Variants in TMEM135 observed in about 807,000 individuals in gnomAD.
The protein encoded by TMEM135 is transmembrane protein 135, also known as peroxisomal membrane protein 52.
A neutral mutation model predicts 60.3 loss-of-function variants in TMEM135; 30 were observed. The observed-to-expected ratio is 0.50, with a 90% CI of 0.37 to 0.68. TMEM135 has a LOEUF of 0.68. TMEM135 is among the 30% of genes least tolerant of loss of function. The pLI is 0.00. For synonymous variants in TMEM135, 190 were observed against 186.7 expected (o/e 1.02, Z -0.14); for missense variants, 468 against 548.8 (o/e 0.85, Z 1.47).
At chr11:87,084,083 T>A (rs1046144314) in intron 3 of TMEM135, among the ~76,000 whole-genome samples, 1 of 152,114 alleles carries the variant, frequency 6.6e-6, no homozygotes, top group Admixed American at 6.6e-5. Context: ...TTCAAAACTT[T>A]GAGGTTAGCT....
intron 1 of TMEM135, among the ~76,000 whole-genome samples, chr11:87,041,141 C>G (rs1215626346): frequency 6.6e-6 from 1 of 152,082 alleles, no homozygotes; most frequent in Non-Finnish European, 1.5e-5. Context: ...GTGCTTAGTC[C>G]TTTACGTATT....
chr11:87,210,348 C>A (rs570729121), intron 5 of TMEM135, among the ~76,000 whole-genome samples: 4 of 152,100 alleles, frequency 2.6e-5, no homozygotes, highest in Non-Finnish European at 4.4e-5. Flanking sequence ...ACTGACTCCA[C>A]AGAAATAGAA....
intron 6 of TMEM135, among the ~76,000 whole-genome samples, chr11:87,286,643 G>A (rs866595034): frequency 2.0e-5 from 3 of 152,190 alleles, no homozygotes; most frequent in Non-Finnish European, 4.4e-5. Context: ...CGGGCATGGT[G>A]GGCTGCAAGA....
intron 4 of TMEM135, among the ~76,000 whole-genome samples, chr11:87,102,720 A>ATTATG (rs775352376): frequency 7.6e-6 from 1 of 131,918 alleles, no homozygotes; most frequent in African/African-American, 2.8e-5. Context: ...ATATGTATAT[A>ATTATG]TATATATGTA....
intron 5 of TMEM135, among the ~76,000 whole-genome samples, chr11:87,162,921 C>T (rs931898444): frequency 4.6e-5 from 7 of 151,708 alleles, no homozygotes; most frequent in Admixed American, 1.3e-4. Context: ...TTCTAACTGG[C>T]GTAAGATGGT....
chr11:87,195,240 T>C (rs1939906527), intron 5 of TMEM135, among the ~76,000 whole-genome samples: 1 of 152,176 alleles, frequency 6.6e-6, no homozygotes, highest in South Asian at 2.1e-4. Context: ...TTTTCTTTTT[T>C]TAAAATATGA....
At chr11:87,211,556 C>T (rs1940370432) in intron 5 of TMEM135, among the ~76,000 whole-genome samples, 1 of 152,138 alleles carries the variant, frequency 6.6e-6, no homozygotes, top group South Asian at 2.1e-4. Context: ...AATTCGTGTA[C>T]ATTGTCTTTC....
At chr11:87,117,493 A>G (rs1308932848) in intron 4 of TMEM135, among the ~76,000 whole-genome samples, 2 of 152,168 alleles carry the variant, frequency 1.3e-5, no homozygotes, top group East Asian at 3.9e-4. Flanking sequence ...CTTTGTTGTC[A>G]TTTCAATAAT....
chr11:87,193,525 A>G (rs1484038059), intron 5 of TMEM135, among the ~76,000 whole-genome samples: 1 of 152,044 alleles, frequency 6.6e-6, no homozygotes, highest in African/African-American at 2.4e-5. Flanking sequence ...TTTGGTAGTG[A>G]GAATTGAAAA....
At chr11:87,072,193 T>C (rs1452027809) in intron 3 of TMEM135, among the ~76,000 whole-genome samples, 2 of 152,092 alleles carry the variant, frequency 1.3e-5, no homozygotes, top group Admixed American at 1.3e-4. Context: ...GACTCCTGTC[T>C]CAAAAAACAA....
chr11:87,060,816 G>T (rs2135127619), intron 1 of TMEM135, among the ~76,000 whole-genome samples: 1 of 151,992 alleles, frequency 6.6e-6, no homozygotes, highest in African/African-American at 2.4e-5. Context: ...CTAATTTTTT[G>T]TATTTTTAGT....
intron 5 of TMEM135, among the ~76,000 whole-genome samples, chr11:87,175,960 A>G (rs1797793917): frequency 6.6e-6 from 1 of 152,212 alleles, no homozygotes. Context: ...TGAATTAGCA[A>G]ATAAATTTAA....
In TMEM135 at chr11:87,326,204, G is replaced by C. The variant is rs567649574; in HGVS notation, c.*4871G>C. ...GACCGTGGATAATAGGATGTTCCCTGGTCTTGGCATAGAGGCCATAGGCAT... is the reference window on the plus strand; with the variant it reads ...GACCGTGGATAATAGGATGTTCCCTCGTCTTGGCATAGAGGCCATAGGCAT... On this transcript the variant is annotated 3_prime_UTR_variant, in exon 15 of 15. Coordinates refer to ENST00000305494, the MANE Select transcript of TMEM135 (RefSeq NM_022918.4). The C allele has an allele frequency of 2.6e-5, 12 of 453,726 alleles. No individual in the cohort carries two copies. Among genetic ancestry groups the C allele is most frequent in the African/African-American group, 2.0e-4 (10 of 50,000 alleles). The allele number at this position is 453,726 out of a possible 1,614,324, so 28.1% of individuals were successfully genotyped here.
At chr11:87,213,231 A>C (rs151299375) in intron 5 of TMEM135, among the ~76,000 whole-genome samples, 44 of 152,318 alleles carry the variant, frequency 2.9e-4, no homozygotes, top group African/African-American at 1.1e-3. Flanking sequence ...TGTGTTAAGA[A>C]ATCAGGTTTC....
In TMEM135 at chr11:87,159,617, A is replaced by ACACACCCC. The variant is rs140303858; in HGVS notation, c.462+2212_462+2213insACACCCCC. Among the ~76,000 whole-genome samples the ACACACCCC allele has an allele frequency of 2.7e-5, 4 of 149,344 alleles. No individual in the cohort carries two copies. In the East Asian group the frequency reaches 8.0e-4, roughly 30 times the overall value. Reference sequence around the variant, plus strand: ...CGCACACACACACACACACACACACACCATAGATTTTCCGAGACGGTTGGC... The same window carrying ACACACCCC: ...CGCACACACACACACACACACACACACACACCCCCCATAGATTTTCCGAGACGGTTGGC... On this transcript the variant is annotated intron_variant, in intron 5 of 14. Coordinates refer to ENST00000305494, the MANE Select transcript of TMEM135 (RefSeq NM_022918.4).
At chr11:87,063,873 G>C (rs989544556) in intron 1 of TMEM135, among the ~76,000 whole-genome samples, 53 of 152,246 alleles carry the variant, frequency 3.5e-4, no homozygotes, top group Non-Finnish European at 3.4e-4. Context: ...TGGACATTTA[G>C]GTGGTTACAG....
chr11:87,112,326 T>C (rs1349986061), intron 4 of TMEM135, among the ~76,000 whole-genome samples: 2 of 152,318 alleles, frequency 1.3e-5, no homozygotes, highest in South Asian at 2.1e-4. Flanking sequence ...AAATAACTTA[T>C]TTAATTTACA....
chr11:87,105,992 T>C (rs1049543011), intron 4 of TMEM135, among the ~76,000 whole-genome samples: 2 of 152,212 alleles, frequency 1.3e-5, no homozygotes, highest in African/African-American at 4.8e-5. Context: ...GATCAACTTT[T>C]TTAGCTCTCA....
At chr11:87,176,924 A>T (rs757186412) in intron 5 of TMEM135, among the ~76,000 whole-genome samples, 2 of 152,168 alleles carry the variant, frequency 1.3e-5, no homozygotes, top group African/African-American at 4.8e-5. Context: ...GCATATAACA[A>T]CTTTCTTTTC....
Sources: allele counts gnomAD v4.1 joint callset (sites outside exome capture counted in the v4.1 genomes callset), GRCh38; gene constraint gnomAD v4.1.1; transcripts MANE v1.5; gene names NCBI Gene and HGNC (gene_info 2026-07-23, HGNC 2026-07-21).